The following MAP3K19 variants were observed in gnomAD, a reference collection of about 807,000 sequenced individuals.
MAP3K19 encodes the protein mitogen-activated protein kinase kinase kinase 19, also known as SPS1/STE20-related protein kinase YSK4.
In MAP3K19, 91 loss-of-function variants were observed where a neutral mutation model predicts 114.4. The ratio of observed to expected loss-of-function variants is 0.80; its 90% CI spans 0.67 to 0.95. MAP3K19 has a LOEUF of 0.95. Ranked by LOEUF, MAP3K19 falls within the 40% of genes least tolerant of loss-of-function variation. MAP3K19 has a pLI of 0.00. For missense variants in MAP3K19, 1,471 were observed against 1,573.2 expected, an observed-to-expected ratio of 0.94 and a Z score of 1.10; for synonymous variants, 518 against 530.5, an observed-to-expected ratio of 0.98 and a Z score of 0.32.
chr2:135,034,484 C>T (rs1488779726), intron 2 of MAP3K19, among the ~76,000 whole-genome samples: 5 of 127,876 alleles, frequency 3.9e-5, no homozygotes, highest in East Asian at 4.7e-4. Context: ...TGTAGCGAGC[C>T]GAGATCACGC....
chr2:135,020,696 C>T lies in MAP3K19; in HGVS notation c.138+1019G>A, dbSNP rs186852893. Among the ~76,000 whole-genome samples the T allele has an allele frequency of 3.3e-3, 509 of 152,232 alleles. 3 individuals carry two copies. The highest frequency in any genetic ancestry group is 0.011 in the African/African-American group (464 of 41,532). The stretch of plus-strand genomic sequence containing the variant: ...GTAGAAGGTGATTGGATCATGGGGG[C>T]GGTTTCCCCCATACTGTTCTTGTGA... On this transcript the variant is annotated intron_variant, in intron 5 of 12. Transcript: ENST00000392915.
At position 134,970,690 on chromosome 2, in the gene MAP3K19, C is replaced by T. The variant is rs189413995; in HGVS notation, c.3921-5774G>A. Among the ~76,000 whole-genome samples, 497 of 151,572 alleles carry T rather than the reference C, an allele frequency of 3.3e-3. 3 individuals carry two copies. The highest frequency in any genetic ancestry group is 0.011 in the African/African-American group (441 of 41,310). On this transcript the variant is annotated intron_variant, in intron 12 of 12. Coordinates refer to ENST00000392915, the MANE Select transcript of MAP3K19 (RefSeq NM_025052.5). The stretch of plus-strand genomic sequence containing the variant: ...TCAGCTCACTGCAAGCTCCACCTCC[C>T]GGGTTCATGCCATTCTCCTGCCTCA...
At chr2:134,980,705 C>G in intron 12 of MAP3K19, 116 bp downstream of exon 12, 2 of 878,562 alleles carry the variant, frequency 2.3e-6, no homozygotes, top group African/African-American at 3.4e-5. Flanking sequence ...AAATCACTGT[C>G]TACTTGACTT....
At chr2:134,992,695 G>A (rs1166006795) in intron 8 of MAP3K19, among the ~76,000 whole-genome samples, 1 of 150,950 alleles carries the variant, frequency 6.6e-6, no homozygotes, top group Non-Finnish European at 1.5e-5. Context: ...TTTGAGACAG[G>A]GTCTCGCTCT....
At position 134,985,879 on chromosome 2, in the gene MAP3K19, T is replaced by C; in HGVS notation, c.2993A>G (p.Glu998Gly). The change falls in exon 10 of 13, where the codon GAA becomes GGA. Residue 998 changes from glutamate to glycine, a missense_variant. Glu to Gly is a moderately conservative substitution (Grantham distance 98, BLOSUM62 -2). Transcript: ENST00000392915. ...CQKMANETDP[E>G]NLNLVLRWRG... The stretch of plus-strand genomic sequence containing the variant: ...CCATCTGAGGACAAGATTTAGGTTT[T>C]CAGGATCTGTTTCATTTGCCATTTT... 6.2e-7 allele frequency: 1 copy of C among 1,614,090 alleles called. No homozygotes were observed. The highest frequency in any genetic ancestry group is 8.5e-7 in the Non-Finnish European group (1 of 1,179,988).
chr2:135,013,590 C>T (rs1687388276), intron 5 of MAP3K19, among the ~76,000 whole-genome samples: 1 of 151,912 alleles, frequency 6.6e-6, no homozygotes, highest in Admixed American at 6.6e-5. Flanking sequence ...TTCATCCTTC[C>T]TTCCCCTCAT....
chr2:134,987,871 T>C lies in MAP3K19; in HGVS notation c.1001A>G (p.Glu334Gly), dbSNP rs770227618. The C allele has an allele frequency of 6.2e-7, 1 of 1,613,062 alleles. No individual in the cohort carries two copies. Among genetic ancestry groups the C allele is most frequent in the South Asian group, 1.1e-5 (1 of 91,074 alleles). The change falls in exon 10 of 13, where the codon GAG becomes GGG. Residue 334 changes from glutamate to glycine, a missense_variant. By Grantham distance (98) the Glu-to-Gly change is moderately conservative (BLOSUM62 -2). Transcript: ENST00000392915. The part of the protein sequence containing the change: ...FEKGQSLVSF[E>G]NLKEGNIPAV... Reference sequence around the variant, plus strand: ...AGGAATATTGCCTTCCTTCAAATTCTCAAAAGACACCAAAGACTGCCCTTT... The same window carrying C: ...AGGAATATTGCCTTCCTTCAAATTCCCAAAAGACACCAAAGACTGCCCTTT...
At chr2:134,996,067 G>A (rs1379246968) in intron 8 of MAP3K19, among the ~76,000 whole-genome samples, 1 of 151,864 alleles carries the variant, frequency 6.6e-6, no homozygotes, top group Non-Finnish European at 1.5e-5. Context: ...AGCCTCCCGA[G>A]TAGCTGAGCC....
At chr2:134,972,635 C>A (rs909955131) in intron 12 of MAP3K19, among the ~76,000 whole-genome samples, 3 of 151,704 alleles carry the variant, frequency 2.0e-5, no homozygotes, top group Non-Finnish European at 4.4e-5. Flanking sequence ...CAAGGTCTCA[C>A]ATTGCTACCC....
At chr2:135,006,807 CAAAA>C (rs1373250835) in intron 5 of MAP3K19, among the ~76,000 whole-genome samples, 1 of 138,252 alleles carries the variant, frequency 7.2e-6, no homozygotes. Flanking sequence ...GAGACCCTGT[CAAAA>C]GAAAGAAAAG....
chr2:135,030,290 A>G (rs1196692654), intron 3 of MAP3K19, 22 bp downstream of exon 3: 1 of 152,636 alleles, frequency 6.6e-6, no homozygotes, highest in African/African-American at 2.4e-5. Context: ...CCACCCAAAG[A>G]CAGAAACAAA....
At chr2:135,014,209 C>T (rs969126029) in intron 5 of MAP3K19, among the ~76,000 whole-genome samples, 3 of 151,974 alleles carry the variant, frequency 2.0e-5, no homozygotes, top group Admixed American at 6.6e-5. Flanking sequence ...CAAAAATTAG[C>T]GGAGCCTGGT....
Position 134,999,069 on chromosome 2 carries a change from G to A in MAP3K19, c.315-72C>T. ...TTCTGGATCTCCAGTCCTCAGTTCA[G>A]CCTGACATCACTAGAAAGTTTGAAG... On this transcript the variant is annotated intron_variant, in intron 7 of 12. Coordinates refer to ENST00000392915, the MANE Select transcript of MAP3K19 (RefSeq NM_025052.5). This position sits in a 1 kb window ranked among gnomAD's most constrained non-coding sequence, Gnocchi z 4.1. 2 of 1,499,666 alleles carry A rather than the reference G, an allele frequency of 1.3e-6. No homozygotes were observed. Among genetic ancestry groups the A allele is most frequent in the South Asian group, 2.6e-5 (2 of 77,778 alleles). The allele number at this position is 1,499,666 out of a possible 1,614,324, so 92.9% of individuals were successfully genotyped here.
intron 12 of MAP3K19, among the ~76,000 whole-genome samples, chr2:134,970,728 G>T (rs1683815088): frequency 6.6e-6 from 1 of 151,768 alleles, no homozygotes; most frequent in South Asian, 2.1e-4. Context: ...CTCCTGAGTA[G>T]CTGGGACTAC....
At position 134,999,057 on chromosome 2, in the gene MAP3K19, G is replaced by T; in HGVS notation, c.315-60C>A. ...AGTTGCCACATCTTCTGGATCTCCA[G>T]TCCTCAGTTCAGCCTGACATCACTA... On this transcript the variant is annotated intron_variant, in intron 7 of 12. Transcript: ENST00000392915. The surrounding 1 kb of genome is among the most constrained non-coding windows in gnomAD (Gnocchi z 4.1). 1 of 1,557,352 alleles carries T rather than the reference G, an allele frequency of 6.4e-7. No homozygotes were observed. Among genetic ancestry groups the T allele is most frequent in the Admixed American group, 1.9e-5 (1 of 54,050 alleles).
At chr2:135,044,269 C>A (rs1401885100) in intron 1 of MAP3K19, among the ~76,000 whole-genome samples, 1 of 152,066 alleles carries the variant, frequency 6.6e-6, no homozygotes, top group Admixed American at 6.6e-5. Context: ...TATCTCACTC[C>A]AGAGAGATGA....
At chr2:134,985,723 G>T in intron 10 of MAP3K19, 77 bp downstream of exon 10, 1 of 1,248,062 alleles carries the variant, frequency 8.0e-7, no homozygotes, top group Non-Finnish European at 1.1e-6. Context: ...TTCCTCATTT[G>T]AAAATAAGGG....
chr2:134,968,620 C>T (rs1382649418), intron 12 of MAP3K19, among the ~76,000 whole-genome samples: 1 of 150,946 alleles, frequency 6.6e-6, no homozygotes, highest in Admixed American at 6.6e-5. Context: ...AGAGGGTCTC[C>T]TCACTTCTCA....
intron 6 of MAP3K19, among the ~76,000 whole-genome samples, chr2:135,002,226 C>T (rs530862114): frequency 2.0e-5 from 3 of 152,140 alleles, no homozygotes; most frequent in East Asian, 1.9e-4. Context: ...AACATAGCCA[C>T]GAATATATTT....
Sources: allele counts gnomAD v4.1 joint callset (sites outside exome capture counted in the v4.1 genomes callset), GRCh38; gene constraint gnomAD v4.1.1; non-coding constraint Gnocchi (gnomAD v3.1); transcripts MANE v1.5; gene names NCBI Gene and HGNC (gene_info 2026-07-23, HGNC 2026-07-21).